CDH20: variants seen among roughly 807,000 people sequenced by gnomAD.
CDH20 encodes the protein cadherin 20, also known as cadherin-20.
Under a neutral mutation model 74.2 loss-of-function variants are expected in CDH20, and 29 were observed. The ratio of observed to expected loss-of-function variants is 0.39; its 90% CI spans 0.29 to 0.53. CDH20 has a LOEUF of 0.53. CDH20 is among the 20% of genes least tolerant of loss of function. The pLI, the probability that CDH20 is intolerant of heterozygous loss-of-function variation, is 0.69. For synonymous variants in CDH20, 469 were observed against 405.4 expected (o/e 1.16, Z -1.88); for missense variants, 988 against 1,048.3 (o/e 0.94, Z 0.79).
At chr18:61,380,091 C>G (rs146065031) in intron 1 of CDH20, among the ~76,000 whole-genome samples, 15 of 152,124 alleles carry the variant, frequency 9.9e-5, no homozygotes, top group Non-Finnish European at 2.1e-4. Context: ...AGAGTTGCTG[C>G]GACTGTGGGT....
intron 1 of CDH20, among the ~76,000 whole-genome samples, chr18:61,489,648 T>C (rs1910886105): frequency 6.6e-6 from 1 of 152,052 alleles, no homozygotes; most frequent in African/African-American, 2.4e-5. Flanking sequence ...AGGAGATTTG[T>C]TGACTAGATT....
In CDH20 at chr18:61,555,014, T is replaced by C. The variant is rs1913583386; in HGVS notation, c.*319T>C. 5 of 1,170,476 alleles carry C rather than the reference T, an allele frequency of 4.3e-6. No individual in the cohort carries two copies. In the African/African-American group the frequency reaches 7.7e-5, roughly 18 times the overall value. The allele number at this position is 1,170,476 out of a possible 1,614,324, so 72.5% of individuals were successfully genotyped here. On this transcript the variant is annotated 3_prime_UTR_variant, in exon 12 of 12. Transcript: ENST00000262717. ...TTTTCTCTGCCATTCGCTAAGGCCT[T>C]TGTCACTTTTCCACCACAGAAAGGC...
rs1910235940 is a variant in CDH20 at position 61,349,473 on chromosome 18, T to C, written c.-153+15646T>C. Among the ~76,000 whole-genome samples, 8 of 152,338 alleles carry C rather than the reference T, an allele frequency of 5.3e-5. No homozygotes were observed. In the South Asian group the frequency reaches 1.7e-3, roughly 32 times the overall value. ...AAGGAATTTAAGTTCTTAATGAATG[T>C]TTCCTACAGATTCTATAATGACTCC... On this transcript the variant is annotated intron_variant, in intron 1 of 11. Coordinates refer to ENST00000262717, the MANE Select transcript of CDH20 (RefSeq NM_031891.4).
intron 1 of CDH20, among the ~76,000 whole-genome samples, chr18:61,433,032 A>C (rs1373341620): frequency 6.6e-6 from 1 of 152,190 alleles, no homozygotes; most frequent in Non-Finnish European, 1.5e-5. Context: ...GTGTAACTAC[A>C]TGGAGAGCAC....
chr18:61,471,007 CTTGA>C (rs978079181), intron 1 of CDH20, among the ~76,000 whole-genome samples: 2 of 151,594 alleles, frequency 1.3e-5, no homozygotes, highest in African/African-American at 4.9e-5. Flanking sequence ...AAACATGTAA[CTTGA>C]TTAAGAAACC....
At chr18:61,400,789 A>G (rs1161361876) in intron 1 of CDH20, among the ~76,000 whole-genome samples, 1 of 152,226 alleles carries the variant, frequency 6.6e-6, no homozygotes, top group Admixed American at 6.5e-5. Flanking sequence ...CATATAATAA[A>G]GGCTATCTTG....
intron 1 of CDH20, among the ~76,000 whole-genome samples, chr18:61,342,991 A>G (rs933592065): frequency 6.6e-6 from 1 of 152,150 alleles, no homozygotes; most frequent in African/African-American, 2.4e-5. Context: ...TGTACCAACA[A>G]AAGCTGGAAC....
intron 6 of CDH20, among the ~76,000 whole-genome samples, chr18:61,515,864 C>T (rs1025121659): frequency 6.6e-6 from 1 of 151,130 alleles, no homozygotes; most frequent in African/African-American, 2.4e-5. Flanking sequence ...ACCAGCATGG[C>T]ACATGTATAC....
At chr18:61,375,718 T>C (rs1256755604) in intron 1 of CDH20, among the ~76,000 whole-genome samples, 1 of 152,118 alleles carries the variant, frequency 6.6e-6, no homozygotes, top group Non-Finnish European at 1.5e-5. Flanking sequence ...GTACTATTCA[T>C]TCATTTAATA....
rs758086794 is a variant in CDH20 at position 61,549,935 on chromosome 18, T to G, written c.1649-43T>G. On this transcript the variant is annotated intron_variant, in intron 10 of 11. Transcript: ENST00000262717. ...TGCTTTCCTCAATCCAAGAAATTAA[T>G]TCACCTTCCCTTTTCCAATCCTGGA... 21 of 1,589,378 alleles carry G rather than the reference T, an allele frequency of 1.3e-5. No homozygotes were observed. In the African/African-American group the frequency reaches 1.7e-4, roughly 13 times the overall value.
intron 1 of CDH20, among the ~76,000 whole-genome samples, chr18:61,396,423 T>C (rs1028404573): frequency 6.6e-6 from 1 of 152,152 alleles, no homozygotes; most frequent in Non-Finnish European, 1.5e-5. Flanking sequence ...TTAAGACCAG[T>C]TTTTATCTGC....
chr18:61,394,162 A>G (rs1046126165), intron 1 of CDH20, among the ~76,000 whole-genome samples: 3 of 152,146 alleles, frequency 2.0e-5, no homozygotes, highest in African/African-American at 7.2e-5. Context: ...CTATACCCAG[A>G]AAGTGCCTTG....
rs138691476 is a variant in CDH20 at position 61,351,273 on chromosome 18, A to C, written c.-153+17446A>C. 2.8e-3 allele frequency among the ~76,000 whole-genome samples: 421 copies of C among 152,294 alleles called. 4 individuals are homozygous for C. Among genetic ancestry groups the C allele is most frequent in the African/African-American group, 9.6e-3 (397 of 41,568 alleles). On this transcript the variant is annotated intron_variant, in intron 1 of 11. Transcript: ENST00000262717. Reference sequence around the variant, plus strand: ...GGGTTACTTATTGAGAGCCACTGCCATAAGCCTTCCCATTTCACTCCCCCC... The same window carrying C: ...GGGTTACTTATTGAGAGCCACTGCCCTAAGCCTTCCCATTTCACTCCCCCC...
intron 1 of CDH20, among the ~76,000 whole-genome samples, chr18:61,432,505 G>C (rs1010248045): frequency 6.6e-6 from 1 of 152,066 alleles, no homozygotes. Context: ...GAGGAGATAC[G>C]ACCTTCTATA....
chr18:61,399,327 G>A (rs1252486545), intron 1 of CDH20, among the ~76,000 whole-genome samples: 3 of 152,064 alleles, frequency 2.0e-5, no homozygotes, highest in African/African-American at 7.2e-5. Context: ...GAAAGTACTC[G>A]AGTAGCCTAA....
intron 1 of CDH20, among the ~76,000 whole-genome samples, chr18:61,485,503 C>A (rs373956141): frequency 6.6e-6 from 1 of 152,058 alleles, no homozygotes; most frequent in South Asian, 2.1e-4. Context: ...GAGTTGATGA[C>A]CACAAAAGAG....
At chr18:61,468,028 A>T (rs1910027503) in intron 1 of CDH20, among the ~76,000 whole-genome samples, 1 of 152,180 alleles carries the variant, frequency 6.6e-6, no homozygotes, top group Non-Finnish European at 1.5e-5. Context: ...GCCCAAGTTT[A>T]CACATCCTGT....
Position 61,528,067 on chromosome 18 carries a change from C to G in CDH20, c.1118C>G (p.Thr373Arg). ...RFLNLGPFQD[T>R]TTVHISVEDV... ...CTGAACTTGGGCCCATTTCAGGACACAACAACAGTGCACATCAGTGTGGAA... is the reference window on the plus strand; with the variant it reads ...CTGAACTTGGGCCCATTTCAGGACAGAACAACAGTGCACATCAGTGTGGAA... The change falls in exon 7 of 12, where the codon ACA (threonine) becomes AGA (arginine). Residue 373 changes from threonine (T) to arginine (R), a missense_variant. This residue lies in a region of CDH20 where 613 missense variants were observed against 755.2 expected (regional missense o/e 0.81). Transcript: ENST00000262717. 6.2e-7 allele frequency: 1 copy of G among 1,614,164 alleles called. No individual in the cohort carries two copies. The highest frequency in any genetic ancestry group is 1.1e-5 in the South Asian group (1 of 91,082).
chr18:61,505,335 C>CTTTTTTTT, intron 5 of CDH20, among the ~76,000 whole-genome samples: 1 of 117,418 alleles, frequency 8.5e-6, no homozygotes, highest in Non-Finnish European at 1.7e-5. Flanking sequence ...AAACCAATAT[C>CTTTTTTTT]TTTTTTTTTT....
Sources: gnomAD v4.1 joint callset for allele counts (sites outside exome capture counted in the v4.1 genomes callset) on GRCh38, gnomAD v4.1.1 for gene constraint, gnomAD v4.1.1 regional missense constraint, MANE v1.5 for transcripts, NCBI Gene and HGNC (gene_info 2026-07-23, HGNC 2026-07-21) for gene names.